Variants in ZNRF1 observed in about 807,000 individuals in gnomAD.
ZNRF1 encodes the protein zinc and ring finger 1, also known as E3 ubiquitin-protein ligase ZNRF1.
In ZNRF1, 3 loss-of-function variants were observed where a neutral mutation model predicts 18.4. The ratio of observed to expected loss-of-function variants is 0.16; its 90% CI spans 0.07 to 0.42. ZNRF1 has a LOEUF of 0.42. ZNRF1 is among the 10% of genes least tolerant of loss of function. The pLI is 0.99. For missense variants in ZNRF1, 310 were observed against 329.8 expected, an observed-to-expected ratio of 0.94 and a Z score of 0.47; for synonymous variants, 157 against 144.2, an observed-to-expected ratio of 1.09 and a Z score of -0.64.
At chr16:75,028,635 C>CT in intron 1 of ZNRF1, among the ~76,000 whole-genome samples, 1 of 152,240 alleles carries the variant, frequency 6.6e-6, no homozygotes, top group Admixed American at 6.5e-5. Flanking sequence ...CAAGAATTCT[C>CT]TTTTCTTGGT....
chr16:75,001,081 G>A (rs942941293), intron 1 of ZNRF1, among the ~76,000 whole-genome samples: 5 of 152,124 alleles, frequency 3.3e-5, no homozygotes, highest in African/African-American at 9.7e-5. Flanking sequence ...AGGGATGTGG[G>A]GGCCGCTATT....
At chr16:75,027,370 G>A (rs2145344160) in intron 1 of ZNRF1, among the ~76,000 whole-genome samples, 1 of 152,270 alleles carries the variant, frequency 6.6e-6, no homozygotes, top group East Asian at 1.9e-4. Flanking sequence ...TTGAATTGTG[G>A]GAATCCTTTT....
chr16:75,029,196 G>C (rs796152356), intron 1 of ZNRF1, among the ~76,000 whole-genome samples: 5 of 151,612 alleles, frequency 3.3e-5, no homozygotes, highest in African/African-American at 1.2e-4. Context: ...GCCCAGGCTG[G>C]AGTGCAGTGG....
At chr16:75,003,666 G>A (rs913224934) in intron 1 of ZNRF1, among the ~76,000 whole-genome samples, 4 of 152,166 alleles carry the variant, frequency 2.6e-5, no homozygotes, top group Non-Finnish European at 4.4e-5. Context: ...TCACAAAGCC[G>A]CATGGTGTCC....
chr16:75,056,432 G>C (rs117632679), intron 1 of ZNRF1, among the ~76,000 whole-genome samples: 1 of 152,128 alleles, frequency 6.6e-6, no homozygotes, highest in African/African-American at 2.4e-5. Context: ...ATAAGATTAT[G>C]TATGATGTTG....
chr16:75,100,945 T>C (rs1265491892), intron 2 of ZNRF1, among the ~76,000 whole-genome samples: 2 of 152,208 alleles, frequency 1.3e-5, no homozygotes, highest in Non-Finnish European at 2.9e-5. Context: ...AGTTTTTATG[T>C]TTTTTTGAGA....
At chr16:75,061,295 C>G (rs2035740783) in intron 1 of ZNRF1, among the ~76,000 whole-genome samples, 2 of 152,182 alleles carry the variant, frequency 1.3e-5, no homozygotes. Context: ...CCACCTCCCC[C>G]CACACCCCCA....
At chr16:75,058,205 C>G (rs1407112022) in intron 1 of ZNRF1, among the ~76,000 whole-genome samples, 1 of 151,626 alleles carries the variant, frequency 6.6e-6, no homozygotes, top group African/African-American at 2.4e-5. Flanking sequence ...ACTCCTGGTC[C>G]CATGCAGTCC....
chr16:75,076,893 T>G lies in ZNRF1; in HGVS notation c.425-16679T>G, dbSNP rs148555296. 3.7e-3 allele frequency among the ~76,000 whole-genome samples: 557 copies of G among 151,852 alleles called. 6 individuals carry two copies. The highest frequency in any genetic ancestry group is 0.013 in the African/African-American group (527 of 41,428). On this transcript the variant is annotated intron_variant, in intron 1 of 4. Transcript: ENST00000335325. ...TGAGACACAGCAAGATGGTGGACCTTTGCAAATCAGGGAGAGGCCCTCACC... is the reference window on the plus strand; with the variant it reads ...TGAGACACAGCAAGATGGTGGACCTGTGCAAATCAGGGAGAGGCCCTCACC...
At chr16:75,048,691 G>T (rs1048882231) in intron 1 of ZNRF1, among the ~76,000 whole-genome samples, 7 of 152,176 alleles carry the variant, frequency 4.6e-5, no homozygotes, top group Non-Finnish European at 8.8e-5. Context: ...GGACTGCACA[G>T]ATGATGATGT....
intron 1 of ZNRF1, among the ~76,000 whole-genome samples, chr16:75,058,161 G>T (rs187434776): frequency 6.6e-6 from 1 of 150,660 alleles, no homozygotes; most frequent in Non-Finnish European, 1.5e-5. Flanking sequence ...GAGACGGGGG[G>T]GTGGTCTCAC....
rs1325974440 is a variant in ZNRF1, at chr16:75,104,788, T to C, written c.525T>C (p.Asp175=). ...TCTCCCCTGTCCCCCTTGCAGATGATGTGCTGACTAAAGACGCGGGTGAGT... is the reference window on the plus strand; with the variant it reads ...TCTCCCCTGTCCCCCTTGCAGATGACGTGCTGACTAAAGACGCGGGTGAGT... ...LSKPRLSYND[D]VLTKDAGECV... The change falls in exon 3 of 5, where the codon GAT becomes GAC. Residue 175 remains aspartate, a synonymous_variant. Coordinates refer to ENST00000335325, the MANE Select transcript of ZNRF1 (RefSeq NM_032268.5). 2.5e-6 allele frequency: 4 copies of C among 1,604,150 alleles called. No homozygotes were observed. The highest frequency in any genetic ancestry group is 3.4e-6 in the Non-Finnish European group (4 of 1,176,226).
intron 1 of ZNRF1, among the ~76,000 whole-genome samples, chr16:75,031,722 G>A (rs1400423513): frequency 2.6e-5 from 4 of 151,888 alleles, no homozygotes; most frequent in East Asian, 1.9e-4. Context: ...GGCTGTTCTC[G>A]AACTCCTGAA....
chr16:75,106,533 G>A lies in ZNRF1; in HGVS notation c.678G>A (p.Ala226=), dbSNP rs1304646460. Residue 226 remains alanine (A), a synonymous_variant, in exon 4 of 5, where the codon GCG becomes GCA. Coordinates refer to ENST00000335325, the MANE Select transcript of ZNRF1 (RefSeq NM_032268.5). ...ACAGATCTTGTCCGGAACACCCTGC[G>A]GACTGACCTGCGGGCTTGCTTGCTG... ...EVNRSCPEHP[A]D The A allele has an allele frequency of 3.7e-6, 6 of 1,613,956 alleles. No homozygotes were observed. The highest frequency in any genetic ancestry group is 2.7e-5 in the African/African-American group (2 of 74,896).
At chr16:75,077,227 C>G (rs2145407176) in intron 1 of ZNRF1, among the ~76,000 whole-genome samples, 1 of 152,282 alleles carries the variant, frequency 6.6e-6, no homozygotes, top group African/African-American at 2.4e-5. Flanking sequence ...CCCATCTGTA[C>G]TGAAAATACA....
rs561556104 is a variant in ZNRF1 at position 75,039,388 on chromosome 16, A to G, written c.424+39293A>G. ...CCAAAGGCAGAACCCTAAAGACTTT[A>G]GAACCACTTAAAATACAGATAATTT... On this transcript the variant is annotated intron_variant, in intron 1 of 4. Coordinates refer to ENST00000335325, the MANE Select transcript of ZNRF1 (RefSeq NM_032268.5). Among the ~76,000 whole-genome samples, 4 of 152,340 alleles carry G rather than the reference A, an allele frequency of 2.6e-5. No individual in the cohort carries two copies. In the East Asian group the frequency reaches 7.7e-4, roughly 29 times the overall value.
At chr16:75,068,582 C>T (rs956021984) in intron 1 of ZNRF1, among the ~76,000 whole-genome samples, 24 of 152,126 alleles carry the variant, frequency 1.6e-4, no homozygotes, top group African/African-American at 5.8e-4. Context: ...CAAAAAGCTA[C>T]AGACCCAGTG....
At chr16:75,006,713 G>A (rs944082367) in intron 1 of ZNRF1, among the ~76,000 whole-genome samples, 1 of 152,226 alleles carries the variant, frequency 6.6e-6, no homozygotes, top group Non-Finnish European at 1.5e-5. Context: ...TGGCATTACA[G>A]GCATGAGCTA....
intron 1 of ZNRF1, among the ~76,000 whole-genome samples, chr16:75,057,141 C>A (rs1249288003): frequency 1.3e-5 from 2 of 152,152 alleles, no homozygotes; most frequent in Non-Finnish European, 2.9e-5. Context: ...CATTCAGAAT[C>A]AGGTACTACC....
Sources: gnomAD v4.1 joint callset for allele counts (sites outside exome capture counted in the v4.1 genomes callset) on GRCh38, gnomAD v4.1.1 for gene constraint, MANE v1.5 for transcripts, NCBI Gene and HGNC (gene_info 2026-07-23, HGNC 2026-07-21) for gene names.